SMG6: variants seen among roughly 807,000 people sequenced by gnomAD.
The protein encoded by SMG6 is SMG6 nonsense mediated mRNA decay factor.
A neutral mutation model predicts 142.2 loss-of-function variants in SMG6; 66 were observed. The observed-to-expected ratio is 0.46, with a 90% CI of 0.38 to 0.57. The LOEUF (loss-of-function observed/expected upper bound fraction) is 0.57, where lower values mean the gene tolerates loss of function less well. Among genes scored for constraint, SMG6 ranks in the 20% least tolerant of loss-of-function variants. SMG6 has a pLI of 0.00. For synonymous variants in SMG6, 779 were observed against 702.4 expected, an observed-to-expected ratio of 1.11 and a Z score of -1.72; for missense variants, 1,793 against 1,832.0, an observed-to-expected ratio of 0.98 and a Z score of 0.39.
At chr17:2,250,210 G>A (rs768887794) in intron 8 of SMG6, among the ~76,000 whole-genome samples, 42 of 152,082 alleles carry the variant, frequency 2.8e-4, no homozygotes, top group Non-Finnish European at 4.7e-4. Flanking sequence ...TTTCAGTTCC[G>A]AAAGAGTCGT....
chr17:2,210,814 T>C (rs1249329083), intron 10 of SMG6, among the ~76,000 whole-genome samples: 2 of 126,074 alleles, frequency 1.6e-5, no homozygotes, highest in Admixed American at 7.8e-5. Context: ...GAAAGACACA[T>C]AATGAGTGCT....
rs774482715 is a variant in SMG6 at position 2,299,752 on chromosome 17, C to A, written c.1001G>T (p.Arg334Leu). ...ACTGTTTTTCTGCTCACCCTCCCCACGGCCAGACCAGTTTCTTTCTAAATG... is the reference window on the plus strand; with the variant it reads ...ACTGTTTTTCTGCTCACCCTCCCCAAGGCCAGACCAGTTTCTTTCTAAATG... ...KRHLERNWSG[R>L]GEGEQKNSAK... The change falls in exon 2 of 19, where the codon CGT (arginine) becomes CTT (leucine). Residue 334 changes from arginine to leucine, a missense_variant. Physicochemically the swap from Arg to Leu is moderately radical, Grantham distance 102. This residue lies in a region of SMG6 where 1,597 missense variants were observed against 1,584.6 expected (regional missense o/e 1.01). Coordinates refer to ENST00000263073, the MANE Select transcript of SMG6 (RefSeq NM_017575.5). The surrounding 1 kb of genome is among the most constrained non-coding windows in gnomAD (Gnocchi z 4.3). 3.1e-6 allele frequency: 5 copies of A among 1,614,108 alleles called. No homozygotes were observed. In the Admixed American group the frequency reaches 5.0e-5, roughly 16 times the overall value.
chr17:2,104,686 G>A (rs1352459214), intron 13 of SMG6, among the ~76,000 whole-genome samples: 1 of 150,706 alleles, frequency 6.6e-6, no homozygotes, highest in Non-Finnish European at 1.5e-5. Context: ...ATGAAGTGGT[G>A]ACAGATGGTT....
chr17:2,087,393 CCT>C, intron 13 of SMG6: 1 of 1,186,796 alleles, frequency 8.4e-7, no homozygotes, highest in East Asian at 5.8e-5. Flanking sequence ...GTGGCTGCAT[CCT>C]CTGCCACCTT....
At chr17:2,067,785 C>T (rs2067992682) in intron 16 of SMG6, among the ~76,000 whole-genome samples, 1 of 152,132 alleles carries the variant, frequency 6.6e-6, no homozygotes, top group Non-Finnish European at 1.5e-5. Context: ...TCTGCAGGGG[C>T]GGATGTTTCC....
intron 13 of SMG6, among the ~76,000 whole-genome samples, chr17:2,102,827 T>C (rs1179743810): frequency 6.6e-6 from 1 of 152,164 alleles, no homozygotes; most frequent in Non-Finnish European, 1.5e-5. Flanking sequence ...GTAGCCACCA[T>C]CCTACTCTCT....
intron 10 of SMG6, among the ~76,000 whole-genome samples, chr17:2,195,602 C>T (rs1326907481): frequency 2.0e-5 from 3 of 152,230 alleles, no homozygotes; most frequent in Non-Finnish European, 4.4e-5. Flanking sequence ...ACACTTGCCT[C>T]TCTCACTTTG....
intron 13 of SMG6, among the ~76,000 whole-genome samples, chr17:2,119,644 C>A (rs1406805235): frequency 2.6e-5 from 4 of 152,046 alleles, no homozygotes. Flanking sequence ...GGATTACAGG[C>A]ATGTACCACC....
chr17:2,264,856 C>A (rs544802038), intron 8 of SMG6, among the ~76,000 whole-genome samples: 2 of 150,620 alleles, frequency 1.3e-5, no homozygotes, highest in East Asian at 3.9e-4. Flanking sequence ...GAGCTGAGAT[C>A]GCGCCACTGC....
At chr17:2,163,836 G>A (rs1046200855) in intron 13 of SMG6, among the ~76,000 whole-genome samples, 19 of 152,138 alleles carry the variant, frequency 1.2e-4, no homozygotes, top group Admixed American at 3.9e-4. Flanking sequence ...GCTGAGGGCA[G>A]CAGATCACTT....
Position 2,068,872 on chromosome 17 carries a change from G to A in SMG6, c.3741C>T (p.Phe1247=), listed in dbSNP as rs2068020171. 6.2e-7 allele frequency: 1 copy of A among 1,614,220 alleles called. No individual in the cohort carries two copies. The highest frequency in any genetic ancestry group is 1.3e-5 in the African/African-American group (1 of 75,064). ...TGAAGCCGTTGGTGTCTGGTACGAG[G>A]AACAAAGGTCTGATTTCGAGCTCCA... The part of the protein sequence containing the change: ...RQMELEIRPL[F]LVPDTNGFID... Residue 1247 remains phenylalanine (F), a synonymous_variant, in exon 16 of 19, where the codon TTC becomes TTT. Coordinates refer to ENST00000263073, the MANE Select transcript of SMG6 (RefSeq NM_017575.5). The surrounding 1 kb of genome is among the most constrained non-coding windows in gnomAD (Gnocchi z 6.7).
At chr17:2,115,009 A>T (rs927145385) in intron 13 of SMG6, among the ~76,000 whole-genome samples, 15 of 147,740 alleles carry the variant, frequency 1.0e-4, no homozygotes, top group Middle Eastern at 3.5e-3. Context: ...TAAAATAATT[A>T]AAAAAAAAGA....
At chr17:2,233,739 A>G (rs2073565616) in intron 10 of SMG6, 1 of 147,498 alleles carries the variant, frequency 6.8e-6, no homozygotes, top group African/African-American at 2.5e-5. Flanking sequence ...ACAGCACAGC[A>G]CAGGGGACCA....
intron 13 of SMG6, among the ~76,000 whole-genome samples, chr17:2,161,330 C>T (rs2071170910): frequency 6.6e-6 from 1 of 151,950 alleles, no homozygotes; most frequent in Non-Finnish European, 1.5e-5. Flanking sequence ...TCTCAAACTC[C>T]CGACCTCAGG....
chr17:2,274,246 A>G (rs1483684488), intron 8 of SMG6, among the ~76,000 whole-genome samples: 1 of 152,192 alleles, frequency 6.6e-6, no homozygotes, highest in East Asian at 1.9e-4. Context: ...TGACCTATAC[A>G]CTAGACTACA....
intron 12 of SMG6, among the ~76,000 whole-genome samples, chr17:2,177,656 T>C (rs1200583437): frequency 6.6e-6 from 1 of 152,026 alleles, no homozygotes; most frequent in Non-Finnish European, 1.5e-5. Flanking sequence ...CGGAAAGAGT[T>C]GAGTGAGAAG....
intron 10 of SMG6, among the ~76,000 whole-genome samples, chr17:2,200,461 A>T (rs1490449250): frequency 6.6e-6 from 1 of 151,750 alleles, no homozygotes. Flanking sequence ...TGCACCCATC[A>T]ACTCGTCATT....
intron 10 of SMG6, among the ~76,000 whole-genome samples, chr17:2,229,035 C>T (rs1158900686): frequency 6.6e-6 from 1 of 152,090 alleles, no homozygotes; most frequent in Non-Finnish European, 1.5e-5. Flanking sequence ...GGATATTAGA[C>T]ATGATGGTGA....
chr17:2,278,010 C>T (rs1405536838), intron 8 of SMG6, among the ~76,000 whole-genome samples: 1 of 151,976 alleles, frequency 6.6e-6, no homozygotes, highest in Non-Finnish European at 1.5e-5. Context: ...ACCATGCCAC[C>T]GCACCCCAGC....
Sources: gnomAD v4.1 joint callset for allele counts (sites outside exome capture counted in the v4.1 genomes callset) on GRCh38, gnomAD v4.1.1 for gene constraint, gnomAD v4.1.1 regional missense constraint, Gnocchi (gnomAD v3.1) non-coding constraint, MANE v1.5 for transcripts, NCBI Gene and HGNC (gene_info 2026-07-23, HGNC 2026-07-21) for gene names.